The following DMD variants were observed in gnomAD, a reference collection of about 807,000 sequenced individuals.
The protein encoded by DMD is dystrophin, also known as mutant dystrophin.
In DMD, 63 loss-of-function variants were observed where a neutral mutation model predicts 330.1. The ratio of observed to expected loss-of-function variants is 0.19; its 90% confidence interval spans 0.16 to 0.24. The LOEUF is 0.24. Ranked by LOEUF, DMD falls within the 10% of genes least tolerant of loss-of-function variation. The probability of loss-of-function intolerance (pLI) is 1.00; values close to 1 mark genes in which losing one functional copy is unlikely to be tolerated. For synonymous variants in DMD, 1,223 were observed against 959.8 expected, an observed-to-expected ratio of 1.27 and a Z score of -5.07; for missense variants, 3,344 against 2,684.1, an observed-to-expected ratio of 1.25 and a Z score of -5.43.
chrX:32,683,170 G>C (rs1015638837), intron 9 of DMD, among the ~76,000 whole-genome samples: 2 of 111,157 alleles, frequency 1.8e-5, no homozygotes, highest in Admixed American at 9.6e-5. Flanking sequence ...TCATGGTAAA[G>C]AGCTTTATGG....
intron 54 of DMD, among the ~76,000 whole-genome samples, chrX:31,651,994 A>G (rs2080481573): frequency 8.9e-6 from 1 of 111,805 alleles, no homozygotes. Flanking sequence ...GGCCAATATA[A>G]TCAGATGCCA....
At chrX:31,887,997 C>T (rs181716567) in intron 47 of DMD, among the ~76,000 whole-genome samples, 30 of 112,101 alleles carry the variant, frequency 2.7e-4, no homozygotes, top group Admixed American at 2.4e-3. Context: ...TTATACATGA[C>T]ATTTCCAACT....
chrX:32,340,293 T>G (rs1275348064), intron 41 of DMD, among the ~76,000 whole-genome samples: 1 of 111,945 alleles, frequency 8.9e-6, no homozygotes, highest in African/African-American at 3.2e-5. Flanking sequence ...AATAGCCCCC[T>G]TCACATTCTG....
intron 7 of DMD, among the ~76,000 whole-genome samples, chrX:32,754,557 AAT>A (rs1327474596): frequency 9.1e-6 from 1 of 109,561 alleles, no homozygotes; most frequent in Non-Finnish European, 1.9e-5. Flanking sequence ...AAAAAAAAAA[AAT>A]AGGTGCCACA....
At chrX:33,247,537 A>T (rs1193225146) in intron 1 of DMD, among the ~76,000 whole-genome samples, 1 of 111,652 alleles carries the variant, frequency 9.0e-6, no homozygotes, top group African/African-American at 3.2e-5. Flanking sequence ...TATAAAACCA[A>T]TTGTAAATAT....
chrX:31,380,213 CTT>C (rs2060099602), intron 60 of DMD, among the ~76,000 whole-genome samples: 1 of 110,896 alleles, frequency 9.0e-6, no homozygotes, highest in African/African-American at 3.3e-5. Context: ...AGACGATACT[CTT>C]TTAAGCACTC....
At position 31,624,098 on chromosome X, in the gene DMD, C is replaced by A. The variant is rs144196660; in HGVS notation, c.8217+3575G>T. On this transcript the variant is annotated intron_variant, in intron 55 of 78. Coordinates refer to ENST00000357033, the MANE Select transcript of DMD (RefSeq NM_004006.3). ...AAAATGTTTTGGATAGAGAAATAAT[C>A]CGATTCAATTACGAATATAGTTTTT... Among the ~76,000 whole-genome samples, 852 of 111,606 alleles carry A rather than the reference C, an allele frequency of 7.6e-3. 6 individuals carry two copies. Among genetic ancestry groups the A allele is most frequent in the African/African-American group, 0.026 (800 of 30,752 alleles).
chrX:33,244,375 A>G (rs2052634261), intron 1 of DMD, among the ~76,000 whole-genome samples: 1 of 112,083 alleles, frequency 8.9e-6, no homozygotes, highest in Non-Finnish European at 1.9e-5. Context: ...AAACAATATG[A>G]TTACGATAAA....
intron 1 of DMD, among the ~76,000 whole-genome samples, chrX:33,069,711 T>C (rs2094716602): frequency 1.8e-5 from 2 of 111,691 alleles, no homozygotes; most frequent in African/African-American, 6.5e-5. Flanking sequence ...ATAATCAGGA[T>C]TTAATAGAAT....
At chrX:31,396,428 C>T (rs775921988) in intron 60 of DMD, among the ~76,000 whole-genome samples, 16 of 111,428 alleles carry the variant, frequency 1.4e-4, no homozygotes, top group African/African-American at 4.6e-4. Flanking sequence ...TGAGCCACCG[C>T]GCCCGGCCCA....
chrX:31,784,960 G>C (rs2091218698), intron 50 of DMD, among the ~76,000 whole-genome samples: 1 of 111,778 alleles, frequency 8.9e-6, no homozygotes, highest in Admixed American at 9.5e-5. Flanking sequence ...TTAAAAACAG[G>C]ATCTTAAAGA....
intron 67 of DMD, among the ~76,000 whole-genome samples, chrX:31,190,821 C>T (rs916755739): frequency 1.8e-5 from 2 of 110,656 alleles, no homozygotes; most frequent in Non-Finnish European, 3.8e-5. Context: ...CTAAGAAATC[C>T]ACATTGATTC....
At chrX:32,811,077 A>G (rs1287467653) in intron 6 of DMD, among the ~76,000 whole-genome samples, 1 of 109,982 alleles carries the variant, frequency 9.1e-6, no homozygotes, top group African/African-American at 3.3e-5. Flanking sequence ...TCACACCTGT[A>G]AACCAAGCAC....
chrX:32,641,700 TTAATA>T (rs1290238691), intron 11 of DMD: 1 of 129,534 alleles, frequency 7.7e-6, no homozygotes, highest in African/African-American at 3.2e-5. Context: ...TTGGATATAC[TTAATA>T]TGACTAGACA....
chrX:32,557,783 G>A (rs1252095946), intron 16 of DMD, among the ~76,000 whole-genome samples: 2 of 111,109 alleles, frequency 1.8e-5, no homozygotes. Flanking sequence ...AGGAAGCTGA[G>A]TTACTAATCA....
chrX:32,530,082 A>T (rs2047338640), intron 17 of DMD, among the ~76,000 whole-genome samples: 1 of 112,225 alleles, frequency 8.9e-6, no homozygotes, highest in South Asian at 3.7e-4. Flanking sequence ...TTGTCCTAAA[A>T]TATGCCTATT....
At chrX:32,772,545 AGGTCACACATCT>A (rs1363727294) in intron 7 of DMD, among the ~76,000 whole-genome samples, 1 of 112,304 alleles carries the variant, frequency 8.9e-6, no homozygotes, top group Non-Finnish European at 1.9e-5. Context: ...AAAGTTTTTA[AGGTCACACATCT>A]GGTAGGTAGC....
At chrX:32,451,198 C>A (rs1221645650) in intron 26 of DMD, among the ~76,000 whole-genome samples, 1 of 110,569 alleles carries the variant, frequency 9.0e-6, no homozygotes, top group Non-Finnish European at 1.9e-5. Context: ...CAGGCCTCAC[C>A]CAAGACTCAC....
chrX:32,342,566 A>G, intron 40 of DMD: 4 of 342,127 alleles, frequency 1.2e-5, no homozygotes, highest in Admixed American at 5.2e-5. Context: ...TTGGGATTTG[A>G]AACAATTTGG....
Sources: allele counts gnomAD v4.1 joint callset (sites outside exome capture counted in the v4.1 genomes callset), GRCh38; gene constraint gnomAD v4.1.1; transcripts MANE v1.5; gene names NCBI Gene and HGNC (gene_info 2026-07-23, HGNC 2026-07-21).